The following CATSPERG variants were observed in gnomAD, a reference collection of about 807,000 sequenced individuals.
The protein encoded by CATSPERG is cation channel sperm-associated auxiliary subunit gamma.
A neutral mutation model predicts 145.0 loss-of-function variants in CATSPERG; 115 were observed. The ratio of observed to expected loss-of-function variants is 0.79; its 90% CI spans 0.68 to 0.93. The LOEUF is 0.93. CATSPERG is among the 40% of genes least tolerant of loss of function. The pLI is 0.00. For synonymous variants in CATSPERG, 588 were observed against 589.0 expected (o/e 1.00, Z 0.02); for missense variants, 1,296 against 1,490.1 (o/e 0.87, Z 2.14).
chr19:38,369,292 G>T (rs1291605226), intron 26 of CATSPERG, among the ~76,000 whole-genome samples: 1 of 151,850 alleles, frequency 6.6e-6, no homozygotes, highest in Non-Finnish European at 1.5e-5. Context: ...ACAGAGTCTT[G>T]CTCCGTCACC....
In CATSPERG at chr19:38,354,899, A is replaced by T. The variant is rs115516675; in HGVS notation, c.1135+52A>T. Reference sequence around the variant, plus strand: ...CAGGGACCCCTCCATACCCTCTCTCACCTCCGAGAATTCTAACCTTGGGCC... The same window carrying T: ...CAGGGACCCCTCCATACCCTCTCTCTCCTCCGAGAATTCTAACCTTGGGCC... On this transcript the variant is annotated intron_variant, in intron 9 of 28. Coordinates refer to ENST00000409235, the MANE Select transcript of CATSPERG (RefSeq NM_021185.5). The T allele has an allele frequency of 2.3e-3, 3,620 of 1,575,772 alleles. 72 individuals are homozygous for T. The African/African-American group carries it at 0.041, about 18-fold the overall frequency.
chr19:38,367,769 C>T lies in CATSPERG; in HGVS notation c.2923C>T (p.Leu975=), dbSNP rs148315829. The T allele has an allele frequency of 1.8e-5, 29 of 1,614,012 alleles. No homozygotes were observed. The African/African-American group carries it at 3.1e-4, about 17-fold the overall frequency. ...EDEIYRFNSP[L]DKTNSLIWTT... is the part of the protein sequence containing the mutation. ...CGAAATCTACCGCTTCAACAGCCCC[C>T]TGGACAAGTAATCCCCGTGGGGTCC... is the stretch of plus-strand genomic sequence containing the variant. Residue 975 remains leucine (L), a synonymous_variant, in exon 25 of 29, where the codon CTG becomes TTG. Coordinates refer to ENST00000409235, the MANE Select transcript of CATSPERG (RefSeq NM_021185.5).
intron 7 of CATSPERG, 151 bp from the exon 8 acceptor site, chr19:38,352,110 G>C: frequency 5.5e-6 from 4 of 722,758 alleles, no homozygotes; most frequent in Non-Finnish European, 9.1e-6. Context: ...GGCTACCAAG[G>C]TGCTGCTGCG....
Position 38,346,574 on chromosome 19 carries a change from A to T in CATSPERG, c.794A>T (p.Asp265Val), listed in dbSNP as rs1970045728. The T allele has an allele frequency of 6.4e-7, 1 of 1,551,508 alleles. No homozygotes were observed. The highest frequency in any genetic ancestry group is 1.4e-5 in the African/African-American group (1 of 73,152). Residue 265 changes from aspartate to valine, a missense_variant, in exon 7 of 29, where the codon GAC becomes GTC. Coordinates refer to ENST00000409235, the MANE Select transcript of CATSPERG (RefSeq NM_021185.5). ...IPNEKYVLMT[D>V]TSFKDFSLVE... Reference sequence around the variant, plus strand: ...AATGAGAAGTACGTCCTGATGACTGACACCAGCTTCAAGGACTTCTCTCTC... The same window carrying T: ...AATGAGAAGTACGTCCTGATGACTGTCACCAGCTTCAAGGACTTCTCTCTC...
At chr19:38,336,409 G>GGAAA (rs1969837250) in intron 1 of CATSPERG, 2 of 350,440 alleles carry the variant, frequency 5.7e-6, no homozygotes, top group East Asian at 1.7e-4. Flanking sequence ...ACCCGGGGAA[G>GGAAA]GAACGGGTCC....
intron 1 of CATSPERG, 122 bp downstream of exon 1, chr19:38,335,997 G>C (rs1383034474): frequency 3.4e-6 from 1 of 290,672 alleles, no homozygotes; most frequent in Non-Finnish European, 7.0e-6. Context: ...GGAAAGAGGG[G>C]AAGAGTCGTG....
chr19:38,368,145 C>T lies in CATSPERG; in HGVS notation c.3020+8C>T, dbSNP rs759916633. Reference sequence around the variant, plus strand: ...CGAGAGCCCAGGCATCGAGTGAGTGCGTAGCCTGGCCCCTCTTGGCCCCCA... The same window carrying T: ...CGAGAGCCCAGGCATCGAGTGAGTGTGTAGCCTGGCCCCTCTTGGCCCCCA... On this transcript the variant is annotated splice_region_variant and intron_variant, in intron 26 of 28. Transcript: ENST00000409235. 9.9e-6 allele frequency: 16 copies of T among 1,612,942 alleles called. No individual in the cohort carries two copies. The highest frequency in any genetic ancestry group is 4.5e-5 in the East Asian group (2 of 44,892).
rs1214404020 is a variant in CATSPERG, at chr19:38,365,025, G to A, written c.2557-36G>A. 1.9e-6 allele frequency: 3 copies of A among 1,614,024 alleles called. No homozygotes were observed. The South Asian group carries it at 3.3e-5, about 18-fold the overall frequency. On this transcript the variant is annotated intron_variant, in intron 21 of 28. Transcript: ENST00000409235. ...CAGGATGGTGGGAAAGCCTGGGCCGGCGGGGATCACCATCTTCACCTGCTC... is the reference window on the plus strand; with the variant it reads ...CAGGATGGTGGGAAAGCCTGGGCCGACGGGGATCACCATCTTCACCTGCTC...
At chr19:38,347,047 C>A (rs1970052833) in intron 7 of CATSPERG, among the ~76,000 whole-genome samples, 1 of 152,028 alleles carries the variant, frequency 6.6e-6, no homozygotes, top group African/African-American at 2.4e-5. Context: ...CCCATCTCTA[C>A]CAAAAATACA....
In CATSPERG at chr19:38,336,247, G is replaced by T. The variant is rs547845682; in HGVS notation, c.-15+372G>T. 2.6e-5 allele frequency: 12 copies of T among 456,530 alleles called. No homozygotes were observed. In the East Asian group the frequency reaches 7.0e-4, roughly 26 times the overall value. The allele number at this position is 456,530 out of a possible 1,614,324, so 28.3% of individuals were successfully genotyped here. ...AGAAGCTGGTGCCGGCGTGGAAGGA[G>T]AAGGTGTGGGGCGAGGAAACAACGA... On this transcript the variant is annotated intron_variant, in intron 1 of 28. Coordinates refer to ENST00000409235, the MANE Select transcript of CATSPERG (RefSeq NM_021185.5).
At position 38,356,740 on chromosome 19, in the gene CATSPERG, A is replaced by T. The variant is rs755329570; in HGVS notation, c.1196-2A>T. The T allele has an allele frequency of 1.1e-5, 18 of 1,613,934 alleles. No homozygotes were observed. The highest frequency in any genetic ancestry group is 1.5e-5 in the Non-Finnish European group (18 of 1,179,972). On this transcript the variant is annotated splice_acceptor_variant, in intron 10 of 28. Coordinates refer to ENST00000409235, the MANE Select transcript of CATSPERG (RefSeq NM_021185.5). LOFTEE classifies it high-confidence loss of function. ...GCTCTGGACTGCCCCTTTCCCTCTC[A>T]GTTACCACCTGCTCCATAATTTGGT...
Position 38,343,619 on chromosome 19 carries a change from C to T in CATSPERG, c.364C>T (p.Leu122=). The change falls in exon 4 of 29, where the codon CTA becomes TTA. Residue 122 remains leucine (L), a synonymous_variant. Transcript: ENST00000409235. ...DLVRMGHLTG[L]KPLVLVTFQS... The stretch of plus-strand genomic sequence containing the variant: ...GGTGCGCATGGGCCACCTGACGGGG[C>T]TAAAGCCCCTGGTGCTGGTCACCTT... The T allele has an allele frequency of 6.4e-7, 1 of 1,551,438 alleles. No homozygotes were observed. The highest frequency in any genetic ancestry group is 1.2e-5 in the South Asian group (1 of 84,054).
At chr19:38,368,586 C>T (rs1418172231) in intron 26 of CATSPERG, among the ~76,000 whole-genome samples, 1 of 152,204 alleles carries the variant, frequency 6.6e-6, no homozygotes, top group Non-Finnish European at 1.5e-5. Context: ...CTTTGTTGCC[C>T]AGGCTGGAAT....
At position 38,337,439 on chromosome 19, in the gene CATSPERG, G is replaced by A; in HGVS notation, c.205G>A (p.Glu69Lys). The A allele has an allele frequency of 1.9e-6, 3 of 1,552,122 alleles. No homozygotes were observed. The highest frequency in any genetic ancestry group is 2.6e-6 in the Non-Finnish European group (3 of 1,147,090). The change falls in exon 2 of 29, where the codon GAG becomes AAG. Residue 69 changes from glutamate (E) to lysine (K), a missense_variant. Physicochemically the swap from Glu to Lys is moderately conservative, Grantham distance 56. Transcript: ENST00000409235. ...TGTGAGCGACAGCTTCTTTGAGCAA[G>A]AGCCCGTGGACACAGTGAGCAGCTT... ...SGVSDSFFEQ[E>K]PVDTVSSLFH...
At chr19:38,344,217 G>A (rs1969987678) in intron 5 of CATSPERG, 79 bp from the exon 6 acceptor site, 2 of 1,540,240 alleles carry the variant, frequency 1.3e-6, no homozygotes, top group Non-Finnish European at 1.8e-6. Context: ...GGAGAGAATG[G>A]GGAGAGGAGA....
intron 11 of CATSPERG, 182 bp from the exon 12 acceptor site, chr19:38,358,096 C>G (rs903277717): frequency 1.6e-6 from 1 of 618,070 alleles, no homozygotes; most frequent in Non-Finnish European, 2.9e-6. Flanking sequence ...CCAGCCTGGG[C>G]GACAGGGAGA....
chr19:38,359,502 A>G lies in CATSPERG; in HGVS notation c.1529A>G (p.Asp510Gly). 1 of 1,613,760 alleles carries G rather than the reference A, an allele frequency of 6.2e-7. No homozygotes were observed. The highest frequency in any genetic ancestry group is 2.2e-5 in the East Asian group (1 of 44,872). ...SNKENFIYLA[D>G]FPKELSIKYM... The stretch of plus-strand genomic sequence containing the variant: ...AAGGAAAACTTCATCTACCTGGCAG[A>G]CTTCCCCAAGGAACTGTCCATCAAA... Residue 510 changes from aspartate (D) to glycine (G), a missense_variant, in exon 14 of 29, where the codon GAC (aspartate) becomes GGC (glycine). By Grantham distance (94) the Asp-to-Gly change is moderately conservative. Coordinates refer to ENST00000409235, the MANE Select transcript of CATSPERG (RefSeq NM_021185.5).
At chr19:38,355,334 G>C (rs1460143293) in intron 9 of CATSPERG, among the ~76,000 whole-genome samples, 6 of 151,730 alleles carry the variant, frequency 4.0e-5, no homozygotes, top group Non-Finnish European at 8.8e-5. Flanking sequence ...AACAGAGTGA[G>C]ACTCTGTCTC....
chr19:38,351,894 C>G (rs1970148135), intron 7 of CATSPERG, among the ~76,000 whole-genome samples: 1 of 152,040 alleles, frequency 6.6e-6, no homozygotes, highest in Non-Finnish European at 1.5e-5. Flanking sequence ...GTGACAGAGC[C>G]AGATCCAGCC....
Sources: gnomAD v4.1 joint callset for allele counts (sites outside exome capture counted in the v4.1 genomes callset) on GRCh38, gnomAD v4.1.1 for gene constraint, MANE v1.5 for transcripts, NCBI Gene and HGNC (gene_info 2026-07-23, HGNC 2026-07-21) for gene names.